The following WWOX variants were observed in gnomAD, a reference collection of about 807,000 sequenced individuals.
WWOX encodes the protein WW domain-containing oxidoreductase.
In WWOX, 69 loss-of-function variants were observed where a neutral mutation model predicts 46.2. That is an observed-to-expected ratio of 1.49 (90% CI 1.23 to 1.82). The LOEUF is 1.82. Ranked by LOEUF, WWOX falls within the 40% of genes most tolerant of loss-of-function variation. WWOX has a pLI of 0.00. For synonymous variants in WWOX, 359 were observed against 202.6 expected (o/e 1.77, Z -6.56); for missense variants, 919 against 542.6 (o/e 1.69, Z -6.89).
intron 8 of WWOX, among the ~76,000 whole-genome samples, chr16:78,957,075 G>A (rs1387337696): frequency 6.6e-6 from 1 of 152,070 alleles, no homozygotes; most frequent in Non-Finnish European, 1.5e-5. Context: ...CATCCTTTGT[G>A]TCTAAGTGAT....
In WWOX at chr16:78,575,882, G is replaced by A. The variant is rs186208971; in HGVS notation, c.1056+143130G>A. 2.5e-3 allele frequency among the ~76,000 whole-genome samples: 375 copies of A among 151,526 alleles called. 1 individual carries two copies. Among genetic ancestry groups the A allele is most frequent in the South Asian group, 0.013 (62 of 4,816 alleles). The stretch of plus-strand genomic sequence containing the variant: ...TAAACATGTAAAAAAATCAATTTTC[G>A]TAAGGTTACATCTTTTTACCTCTTT... On this transcript the variant is annotated intron_variant, in intron 8 of 8. Transcript: ENST00000566780.
intron 8 of WWOX, among the ~76,000 whole-genome samples, chr16:78,909,822 G>T (rs548797589): frequency 6.6e-6 from 1 of 152,174 alleles, no homozygotes; most frequent in Non-Finnish European, 1.5e-5. Context: ...AAAAGGGCCA[G>T]TTACTGTCTG....
chr16:78,382,169 T>C (rs1315058118), intron 5 of WWOX, among the ~76,000 whole-genome samples: 3 of 152,214 alleles, frequency 2.0e-5, no homozygotes, highest in Non-Finnish European at 2.9e-5. Flanking sequence ...GAGTTAGTTG[T>C]TGTTGTTCCT....
intron 8 of WWOX, among the ~76,000 whole-genome samples, chr16:79,155,197 G>A (rs1034960591): frequency 6.6e-6 from 1 of 152,134 alleles, no homozygotes; most frequent in Non-Finnish European, 1.5e-5. Context: ...CCAACATGGT[G>A]AAACCCCATC....
intron 6 of WWOX, among the ~76,000 whole-genome samples, chr16:78,422,650 G>C (rs73572815): frequency 3.3e-5 from 1 of 30,250 alleles, no homozygotes; most frequent in Non-Finnish European, 1.1e-4. Context: ...CCAGCCTCCT[G>C]TTTTTTTTAC....
chr16:79,059,044 T>C (rs867473776), intron 8 of WWOX, among the ~76,000 whole-genome samples: 2 of 152,212 alleles, frequency 1.3e-5, no homozygotes, highest in Non-Finnish European at 2.9e-5. Flanking sequence ...TTCTGGAGAT[T>C]GTTATCAGTC....
At chr16:78,305,896 G>A (rs2080125995) in intron 5 of WWOX, among the ~76,000 whole-genome samples, 1 of 151,790 alleles carries the variant, frequency 6.6e-6, no homozygotes, top group African/African-American at 2.4e-5. Context: ...AAGGCTCATT[G>A]AGGAAAGTTG....
chr16:78,100,196 C>T, intron 1 of WWOX: 5 of 1,207,100 alleles, frequency 4.1e-6, no homozygotes, highest in Non-Finnish European at 5.2e-6. Context: ...TTTTAAAAAG[C>T]GCACATGCTC....
At chr16:78,369,872 C>T (rs778309230) in intron 5 of WWOX, among the ~76,000 whole-genome samples, 3 of 152,020 alleles carry the variant, frequency 2.0e-5, no homozygotes, top group Non-Finnish European at 4.4e-5. Context: ...ATGGCTCATG[C>T]CTGTAATCCC....
chr16:78,327,771 G>A (rs2080661019), intron 5 of WWOX, among the ~76,000 whole-genome samples: 1 of 151,768 alleles, frequency 6.6e-6, no homozygotes, highest in Non-Finnish European at 1.5e-5. Flanking sequence ...AGTCTACAGT[G>A]GTTCTTTGTA....
chr16:78,476,022 C>T (rs1294431163), intron 8 of WWOX, among the ~76,000 whole-genome samples: 2 of 152,176 alleles, frequency 1.3e-5, no homozygotes, highest in Non-Finnish European at 2.9e-5. Flanking sequence ...CAACTCCTTA[C>T]TCATGCTTCC....
rs2051796959 is a variant in WWOX, at chr16:79,212,406, G to A, written c.*610G>A. On this transcript the variant is annotated 3_prime_UTR_variant, in exon 9 of 9. Transcript: ENST00000566780. The stretch of plus-strand genomic sequence containing the variant: ...ACCAGGTGGCAAAGTACTTGTCATA[G>A]ACTCCTTTGCTAATGCTATGCAAAA... The A allele has an allele frequency of 4.7e-6, 2 of 421,594 alleles. No individual in the cohort carries two copies. Among genetic ancestry groups the A allele is most frequent in the South Asian group, 4.8e-5 (1 of 20,882 alleles). The allele number at this position is 421,594 out of a possible 1,614,324, so 26.1% of individuals were successfully genotyped here. A position where few individuals can be genotyped will look rare whatever the true frequency, so the allele number is the denominator to read the frequency against.
At chr16:78,823,221 G>C (rs1241075422) in intron 8 of WWOX, among the ~76,000 whole-genome samples, 2 of 152,340 alleles carry the variant, frequency 1.3e-5, no homozygotes, top group East Asian at 3.9e-4. Flanking sequence ...GCCTTGGATG[G>C]TGCTGTATAG....
chr16:78,255,593 G>A (rs895240619), intron 5 of WWOX, among the ~76,000 whole-genome samples: 1 of 152,172 alleles, frequency 6.6e-6, no homozygotes, highest in Non-Finnish European at 1.5e-5. Context: ...TGGGGAAGGC[G>A]AGGCACAAAA....
chr16:79,167,813 C>T (rs1015566205), intron 8 of WWOX, among the ~76,000 whole-genome samples: 2 of 152,194 alleles, frequency 1.3e-5, no homozygotes, highest in African/African-American at 2.4e-5. Flanking sequence ...TTAGTGAACT[C>T]AGTGTTATGC....
At chr16:79,105,373 C>G (rs2049287428) in intron 8 of WWOX, among the ~76,000 whole-genome samples, 1 of 152,020 alleles carries the variant, frequency 6.6e-6, no homozygotes, top group Non-Finnish European at 1.5e-5. Flanking sequence ...AAAAGGGCAC[C>G]AACTCCATAT....
intron 8 of WWOX, among the ~76,000 whole-genome samples, chr16:78,807,140 T>A (rs958146376): frequency 6.6e-6 from 1 of 152,242 alleles, no homozygotes; most frequent in Non-Finnish European, 1.5e-5. Flanking sequence ...TGAATTGGAA[T>A]CTGCACATTA....
chr16:79,203,771 G>A (rs751403614), intron 8 of WWOX: 1 of 152,164 alleles, frequency 6.6e-6, no homozygotes, highest in African/African-American at 2.4e-5. Context: ...TGCGCTGTTA[G>A]AACTGAGCTC....
chr16:78,378,721 A>G (rs886441873), intron 5 of WWOX, among the ~76,000 whole-genome samples: 2 of 152,216 alleles, frequency 1.3e-5, no homozygotes, highest in Non-Finnish European at 1.5e-5. Flanking sequence ...AGACATCAGC[A>G]TAATGCAATT....
Sources: allele counts gnomAD v4.1 joint callset (sites outside exome capture counted in the v4.1 genomes callset), GRCh38; gene constraint gnomAD v4.1.1; transcripts MANE v1.5; gene names NCBI Gene and HGNC (gene_info 2026-07-23, HGNC 2026-07-21).